RYR3: variants seen among roughly 807,000 people sequenced by gnomAD.
RYR3 encodes brain ryanodine receptor-calcium release channel.
A neutral mutation model predicts 584.3 loss-of-function variants in RYR3; 207 were observed. The ratio of observed to expected loss-of-function variants is 0.35; its 90% confidence interval spans 0.32 to 0.40. RYR3 has a LOEUF of 0.40. Among genes scored for constraint, RYR3 ranks in the 10% least tolerant of loss-of-function variants. The pLI, the probability that RYR3 is intolerant of heterozygous loss-of-function variation, is 1.00. For synonymous variants in RYR3, 2,416 were observed against 2,248.5 expected, an observed-to-expected ratio of 1.07 and a Z score of -2.11; for missense variants, 5,616 against 6,089.2, an observed-to-expected ratio of 0.92 and a Z score of 2.59.
At chr15:33,672,299 C>T (rs540883457) in intron 38 of RYR3, among the ~76,000 whole-genome samples, 5 of 152,300 alleles carry the variant, frequency 3.3e-5, no homozygotes, top group African/African-American at 4.8e-5. Context: ...TCTGCAGCCC[C>T]GCTACCTCAG....
At position 33,670,422 on chromosome 15, in the gene RYR3, T is replaced by A. The variant is rs759190039; in HGVS notation, c.5726T>A (p.Val1909Asp). The A allele has an allele frequency of 2.4e-5, 38 of 1,591,552 alleles. No individual in the cohort carries two copies. The highest frequency in any genetic ancestry group is 3.2e-5 in the Non-Finnish European group (37 of 1,171,564). Residue 1909 changes from valine to aspartate, a missense_variant, in exon 38 of 104, where the codon GTT (valine) becomes GAT (aspartate). Val to Asp is a radical substitution (Grantham distance 152, BLOSUM62 -3). Transcript: ENST00000634891. ...ACCCTGTTCTGTGGCTTGCTAGGGG[T>A]TCCTTTGGAAGAAGAGGAAGAGGAG... Reference protein sequence around the residue: ...FHEDLLLHCGVPLEEEEEEEE... With the variant: ...FHEDLLLHCGDPLEEEEEEEE...
At chr15:33,436,591 C>T (rs2045748326) in intron 1 of RYR3, among the ~76,000 whole-genome samples, 1 of 151,632 alleles carries the variant, frequency 6.6e-6, no homozygotes, top group Admixed American at 6.6e-5. Context: ...ACCTCCGCCT[C>T]CCGGGTTCAC....
At chr15:33,347,156 C>T (rs1290795516) in intron 1 of RYR3, among the ~76,000 whole-genome samples, 7 of 152,128 alleles carry the variant, frequency 4.6e-5, no homozygotes, top group African/African-American at 1.7e-4. Context: ...GCTTTCTCCA[C>T]AGTAAAGTTA....
At chr15:33,548,775 A>G (rs759369904) in intron 9 of RYR3, among the ~76,000 whole-genome samples, 3 of 152,172 alleles carry the variant, frequency 2.0e-5, no homozygotes, top group Non-Finnish European at 4.4e-5. Context: ...GTTAACTTCA[A>G]ACTACTGAAG....
At chr15:33,817,877 C>T (rs140230314) in intron 75 of RYR3, among the ~76,000 whole-genome samples, 1 of 152,156 alleles carries the variant, frequency 6.6e-6, no homozygotes, top group Non-Finnish European at 1.5e-5. Flanking sequence ...TTACCAAATA[C>T]GGTCCACCCT....
chr15:33,336,067 G>A (rs927190324), intron 1 of RYR3, among the ~76,000 whole-genome samples: 2 of 152,124 alleles, frequency 1.3e-5, no homozygotes, highest in Non-Finnish European at 2.9e-5. Context: ...CCTCCAAAAA[G>A]TAGAAACTTA....
intron 32 of RYR3, 41 bp downstream of exon 32, chr15:33,652,924 C>T (rs984297810): frequency 1.3e-6 from 2 of 1,565,406 alleles, no homozygotes; most frequent in Non-Finnish European, 8.7e-7. Flanking sequence ...CTATCCCAGG[C>T]CTGGTGTTTA....
At chr15:33,815,642 C>G (rs536172962) in intron 74 of RYR3, among the ~76,000 whole-genome samples, 79 of 152,284 alleles carry the variant, frequency 5.2e-4, no homozygotes, top group African/African-American at 1.8e-3. Context: ...GGTGATCTCT[C>G]TAGCATGGAG....
At chr15:33,578,420 T>G (rs1185400110) in intron 12 of RYR3, among the ~76,000 whole-genome samples, 1 of 152,168 alleles carries the variant, frequency 6.6e-6, no homozygotes, top group African/African-American at 2.4e-5. Flanking sequence ...TGGAATACTA[T>G]GCACCCATAA....
chr15:33,643,139 CT>C (rs1228877057), intron 27 of RYR3, among the ~76,000 whole-genome samples: 1 of 152,152 alleles, frequency 6.6e-6, no homozygotes, highest in Non-Finnish European at 1.5e-5. Flanking sequence ...CCAAAATTGG[CT>C]TTTAAATGTC....
At chr15:33,543,569 A>T in intron 7 of RYR3, 53 bp from the exon 8 acceptor site, 1 of 1,142,302 alleles carries the variant, frequency 8.8e-7, no homozygotes, top group Non-Finnish European at 1.3e-6. Flanking sequence ...TAAATATGCC[A>T]TTCTCTTCAT....
intron 52 of RYR3, among the ~76,000 whole-genome samples, chr15:33,745,205 A>G (rs2070569906): frequency 6.6e-6 from 1 of 152,118 alleles, no homozygotes; most frequent in Non-Finnish European, 1.5e-5. Context: ...CACTTCATCC[A>G]GGGGACCCAC....
intron 76 of RYR3, among the ~76,000 whole-genome samples, 174 bp from the exon 77 acceptor site, chr15:33,819,582 G>A (rs962229119): frequency 2.6e-5 from 4 of 151,926 alleles, no homozygotes; most frequent in African/African-American, 9.7e-5. Context: ...GTTGAGGTAG[G>A]AGAATCACTT....
intron 1 of RYR3, among the ~76,000 whole-genome samples, chr15:33,350,141 T>C (rs374501637): frequency 9.9e-5 from 15 of 152,054 alleles, no homozygotes; most frequent in African/African-American, 3.6e-4. Context: ...AATGGTATTT[T>C]TAGTTCTAGA....
chr15:33,569,083 C>G (rs1340172696), intron 12 of RYR3, among the ~76,000 whole-genome samples: 4 of 152,120 alleles, frequency 2.6e-5, no homozygotes, highest in Non-Finnish European at 5.9e-5. Flanking sequence ...GAGATGCACA[C>G]ATAACACATT....
chr15:33,322,538 A>G (rs531837217), intron 1 of RYR3, among the ~76,000 whole-genome samples: 41 of 152,338 alleles, frequency 2.7e-4, no homozygotes, highest in African/African-American at 8.7e-4. Flanking sequence ...GTGGGGACAT[A>G]TAATCAAATT....
chr15:33,566,863 C>T, intron 12 of RYR3, 64 bp downstream of exon 12: 1 of 1,559,746 alleles, frequency 6.4e-7, no homozygotes, highest in South Asian at 1.1e-5. Flanking sequence ...AACACCACCA[C>T]CCACCTCCTT....
At position 33,860,886 on chromosome 15, in the gene RYR3, A is replaced by G. The variant is rs191934899; in HGVS notation, c.14365-192A>G. ...GAGGGAGCAGTATCCTCAGCTAATC[A>G]GGAGCTAAGTGTATGGCACTACTGA... On this transcript the variant is annotated intron_variant, in intron 101 of 103. Transcript: ENST00000634891. 2.9e-3 allele frequency among the ~76,000 whole-genome samples: 437 copies of G among 151,876 alleles called. 2 individuals are homozygous for G. Among genetic ancestry groups the G allele is most frequent in the Non-Finnish European group, 4.9e-3 (334 of 67,976 alleles).
chr15:33,670,002 C>T (rs1281464081), intron 37 of RYR3, among the ~76,000 whole-genome samples: 2 of 152,012 alleles, frequency 1.3e-5, no homozygotes, highest in Non-Finnish European at 2.9e-5. Context: ...GTTGCTTGTA[C>T]ATGGGTAGGT....
Sources: gnomAD v4.1 joint callset for allele counts (sites outside exome capture counted in the v4.1 genomes callset) on GRCh38, gnomAD v4.1.1 for gene constraint, MANE v1.5 for transcripts, NCBI Gene and HGNC (gene_info 2026-07-23, HGNC 2026-07-21) for gene names.